Variants in ZC3H12B observed in about 807,000 individuals in gnomAD.
ZC3H12B encodes the protein zinc finger CCCH-type containing 12B.
A neutral mutation model predicts 43.9 loss-of-function variants in ZC3H12B; 7 were observed. That is an observed-to-expected ratio of 0.16 (90% CI 0.09 to 0.30). The LOEUF is 0.30. ZC3H12B is among the 10% of genes least tolerant of loss of function. The pLI is 1.00. For synonymous variants in ZC3H12B, 222 were observed against 241.7 expected (o/e 0.92, Z 0.76); for missense variants, 475 against 670.2 (o/e 0.71, Z 3.22).
the ZC3H12B span, among the ~76,000 whole-genome samples, chrX:65,137,792 A>G: frequency 2.0e-4 from 22 of 112,495 alleles, no homozygotes; most frequent in South Asian, 8.0e-3. Flanking sequence ...AGTAAGATTT[A>G]TTTTTCCTAT....
the ZC3H12B span, among the ~76,000 whole-genome samples, chrX:65,083,195 C>G: frequency 9.0e-6 from 1 of 111,001 alleles, no homozygotes; most frequent in South Asian, 3.8e-4. Flanking sequence ...CCTCTAGACT[C>G]GGGAATGCAA....
chrX:65,206,451 C>CA, the ZC3H12B span, among the ~76,000 whole-genome samples: 25 of 111,651 alleles, frequency 2.2e-4, no homozygotes, highest in African/African-American at 8.1e-4. Flanking sequence ...GGATAATTGG[C>CA]AAGCCACATG....
the ZC3H12B span, among the ~76,000 whole-genome samples, chrX:65,212,514 T>A: frequency 1.4e-5 from 1 of 72,547 alleles, no homozygotes; most frequent in Non-Finnish European, 2.4e-5. Context: ...TTATATACAA[T>A]ATTTTTATTA....
chrX:65,282,022 T>G, the ZC3H12B span, among the ~76,000 whole-genome samples: 309 of 111,721 alleles, frequency 2.8e-3, no homozygotes, highest in African/African-American at 9.1e-3. Flanking sequence ...TCTCAAAAGA[T>G]TCCAAAAAAG....
the ZC3H12B span, among the ~76,000 whole-genome samples, chrX:65,080,858 C>T: frequency 9.0e-6 from 1 of 111,369 alleles, no homozygotes; most frequent in Non-Finnish European, 1.9e-5. Flanking sequence ...GGTATGTAAA[C>T]TACTCATATC....
the ZC3H12B span, among the ~76,000 whole-genome samples, chrX:65,150,721 C>G: frequency 1.8e-5 from 2 of 111,915 alleles, no homozygotes; most frequent in African/African-American, 6.5e-5. Context: ...TAAAACCACA[C>G]AGGCTTTTTT....
the ZC3H12B span, among the ~76,000 whole-genome samples, chrX:65,126,695 CT>C: frequency 3.1e-4 from 30 of 95,547 alleles, no homozygotes; most frequent in Middle Eastern, 0.027. Context: ...TTTTTTTTTA[CT>C]TTTTTTTTCT....
At chrX:65,319,342 C>T in the ZC3H12B span, among the ~76,000 whole-genome samples, 1 of 111,716 alleles carries the variant, frequency 9.0e-6, no homozygotes, top group African/African-American at 3.3e-5. Flanking sequence ...AGATAAATTT[C>T]TGGAAACATA....
At chrX:65,448,711 G>A (rs900329097) in intron 3 of ZC3H12B, among the ~76,000 whole-genome samples, 2 of 109,300 alleles carry the variant, frequency 1.8e-5, no homozygotes, top group African/African-American at 6.7e-5. Context: ...CAGCTACTCG[G>A]GAGGCTGAGG....
At chrX:65,111,594 A>T in the ZC3H12B span, among the ~76,000 whole-genome samples, 2 of 108,597 alleles carry the variant, frequency 1.8e-5, no homozygotes, top group Admixed American at 2.0e-4. Context: ...TGGCAACTCT[A>T]TGTCAAGCAA....
the ZC3H12B span, among the ~76,000 whole-genome samples, chrX:65,251,201 T>A: frequency 8.9e-6 from 1 of 111,989 alleles, no homozygotes; most frequent in South Asian, 3.7e-4. Context: ...GGGAATCGTT[T>A]CCCCATTTCT....
the ZC3H12B span, among the ~76,000 whole-genome samples, chrX:65,244,073 TAGTTAAC>T: frequency 9.0e-6 from 1 of 111,465 alleles, no homozygotes; most frequent in Non-Finnish European, 1.9e-5. Context: ...AGCATGACTA[TAGTTAAC>T]AGTAATTTAT....
chrX:65,304,662 G>T, the ZC3H12B span, among the ~76,000 whole-genome samples: 3 of 108,934 alleles, frequency 2.8e-5, no homozygotes, highest in Admixed American at 9.8e-5. Context: ...ATATCTCACA[G>T]TGTACAATAA....
chrX:65,172,278 G>C, the ZC3H12B span, among the ~76,000 whole-genome samples: 1 of 112,169 alleles, frequency 8.9e-6, no homozygotes, highest in Non-Finnish European at 1.9e-5. Flanking sequence ...CTTTTTGATG[G>C]AGTTGTTTGT....
At chrX:65,380,175 G>C (rs748873636) in intron 2 of ZC3H12B, among the ~76,000 whole-genome samples, 208 of 111,579 alleles carry the variant, frequency 1.9e-3, no homozygotes, top group Non-Finnish European at 2.8e-3. Context: ...CAAAGTTGAA[G>C]TGAAGGAAAA....
At chrX:65,337,728 A>G in the ZC3H12B span, among the ~76,000 whole-genome samples, 1 of 112,748 alleles carries the variant, frequency 8.9e-6, no homozygotes. Flanking sequence ...AAAGTTGGAG[A>G]AACAGATAAA....
At chrX:65,226,166 G>C in the ZC3H12B span, among the ~76,000 whole-genome samples, 3 of 112,079 alleles carry the variant, frequency 2.7e-5, no homozygotes, top group Non-Finnish European at 5.6e-5. Flanking sequence ...ATCAGACTAA[G>C]AGGAGATCTC....
intron 3 of ZC3H12B, among the ~76,000 whole-genome samples, chrX:65,409,725 A>T (rs371973643): frequency 9.0e-6 from 1 of 111,522 alleles, no homozygotes; most frequent in East Asian, 2.8e-4. Flanking sequence ...CCCATTTACA[A>T]TAGCCACAAA....
the ZC3H12B span, among the ~76,000 whole-genome samples, chrX:65,157,655 C>A: frequency 9.0e-6 from 1 of 111,427 alleles, no homozygotes; most frequent in Admixed American, 9.6e-5. Flanking sequence ...AACAAACTGT[C>A]TTTTACCTGG....
Sources: gnomAD v4.1 joint callset for allele counts (sites outside exome capture counted in the v4.1 genomes callset) on GRCh38, gnomAD v4.1.1 for gene constraint, MANE v1.5 for transcripts, NCBI Gene and HGNC (gene_info 2026-07-23, HGNC 2026-07-21) for gene names.